GPHN: variants seen among roughly 807,000 people sequenced by gnomAD.
GPHN encodes gephyrin.
GPHN carries 17 observed loss-of-function variants against 95.5 expected under a neutral mutation model. The observed-to-expected ratio is 0.18, with a 90% CI of 0.12 to 0.27. The LOEUF is 0.27. Among genes scored for constraint, GPHN ranks in the 10% least tolerant of loss-of-function variants. GPHN has a pLI of 1.00. For synonymous variants in GPHN, 320 were observed against 322.5 expected (o/e 0.99, Z 0.08); for missense variants, 660 against 978.1 (o/e 0.67, Z 4.34).
chr14:66,673,982 T>C (rs2066443480), intron 1 of GPHN, among the ~76,000 whole-genome samples: 2 of 152,220 alleles, frequency 1.3e-5, no homozygotes, highest in Non-Finnish European at 2.9e-5. Context: ...TTAACAATTC[T>C]TTTTACTGTG....
At chr14:66,816,962 G>A (rs1048878699) in intron 3 of GPHN, among the ~76,000 whole-genome samples, 32 of 151,872 alleles carry the variant, frequency 2.1e-4, no homozygotes, top group African/African-American at 6.5e-4. Flanking sequence ...TTTACTCTTT[G>A]GCAATAATTT....
chr14:66,903,316 T>C (rs1382649630), intron 5 of GPHN, among the ~76,000 whole-genome samples: 5 of 152,194 alleles, frequency 3.3e-5, no homozygotes, highest in Non-Finnish European at 7.4e-5. Flanking sequence ...TTATATCATT[T>C]TGCTGAATTG....
chr14:66,694,548 A>C (rs2067996941), intron 2 of GPHN, among the ~76,000 whole-genome samples: 1 of 152,200 alleles, frequency 6.6e-6, no homozygotes. Context: ...CGTAGACCTT[A>C]CACCCTTAAA....
the GPHN span, chr14:67,570,035 G>C: frequency 6.8e-7 from 1 of 1,474,006 alleles, no homozygotes; most frequent in East Asian, 2.3e-5. Flanking sequence ...TGCACAAAGA[G>C]GGGGTGTCTC....
At chr14:66,633,061 A>G (rs966455505) in intron 1 of GPHN, among the ~76,000 whole-genome samples, 3 of 152,056 alleles carry the variant, frequency 2.0e-5, no homozygotes, top group African/African-American at 7.2e-5. Context: ...TTCCAATTTA[A>G]TTGTGTACTG....
chr14:67,305,446 A>T, the GPHN span, among the ~76,000 whole-genome samples: 2 of 152,040 alleles, frequency 1.3e-5, no homozygotes, highest in African/African-American at 4.8e-5. Context: ...CATCCGGCTA[A>T]TTTTTTTGTA....
chr14:66,819,415 T>C (rs2061102731), intron 3 of GPHN, among the ~76,000 whole-genome samples: 1 of 152,170 alleles, frequency 6.6e-6, no homozygotes, highest in African/African-American at 2.4e-5. Context: ...CTGGGTTCTC[T>C]GTTCTGTCCC....
intron 9 of GPHN, among the ~76,000 whole-genome samples, chr14:66,976,632 C>G (rs1235144776): frequency 1.3e-5 from 2 of 152,036 alleles, no homozygotes; most frequent in African/African-American, 4.8e-5. Flanking sequence ...CAGAGTAATT[C>G]AGAAATTCAT....
chr14:67,590,027 G>C, the GPHN span: 6 of 1,527,742 alleles, frequency 3.9e-6, no homozygotes, highest in Non-Finnish European at 4.4e-6. Context: ...AGCCCCTATG[G>C]CTTAAGAGTC....
chr14:67,586,195 C>G, the GPHN span: 1 of 1,373,364 alleles, frequency 7.3e-7, no homozygotes. Context: ...TCTGCAAGGG[C>G]CCTGCCCAGA....
At chr14:67,707,457 C>A in the GPHN span, among the ~76,000 whole-genome samples, 2 of 152,118 alleles carry the variant, frequency 1.3e-5, no homozygotes, top group African/African-American at 4.8e-5. Flanking sequence ...GAGATGGAGT[C>A]TCACTCTGCT....
At chr14:66,609,735 TTC>T (rs2062703724) in intron 1 of GPHN, among the ~76,000 whole-genome samples, 1 of 152,184 alleles carries the variant, frequency 6.6e-6, no homozygotes, top group Non-Finnish European at 1.5e-5. Context: ...CTGTAAATGC[TTC>T]TGATTGTACT....
chr14:66,535,412 A>C (rs191007432), intron 1 of GPHN, among the ~76,000 whole-genome samples: 2 of 151,782 alleles, frequency 1.3e-5, no homozygotes, highest in Non-Finnish European at 2.9e-5. Context: ...CTTCAATTTT[A>C]TTTCTTCTTC....
At chr14:66,803,827 T>C (rs1424495312) in intron 3 of GPHN, among the ~76,000 whole-genome samples, 1 of 152,136 alleles carries the variant, frequency 6.6e-6, no homozygotes, top group African/African-American at 2.4e-5. Context: ...TTACCCCTGA[T>C]GAACTTTGTA....
intron 1 of GPHN, among the ~76,000 whole-genome samples, chr14:66,657,697 T>G (rs1306548531): frequency 2.6e-5 from 4 of 152,168 alleles, no homozygotes; most frequent in African/African-American, 9.7e-5. Context: ...TACATCTGTT[T>G]ACAGCATGAT....
At chr14:67,638,264 C>G in the GPHN span, among the ~76,000 whole-genome samples, 2 of 152,066 alleles carry the variant, frequency 1.3e-5, no homozygotes, top group African/African-American at 4.8e-5. Context: ...TGGCTCACAT[C>G]TGTAATCCTA....
At chr14:67,064,668 G>A (rs1227655770) in intron 11 of GPHN, among the ~76,000 whole-genome samples, 3 of 152,158 alleles carry the variant, frequency 2.0e-5, no homozygotes, top group Non-Finnish European at 4.4e-5. Context: ...TTGGGAGGGT[G>A]TATGTGTCCA....
At chr14:66,708,323 A>C (rs542489287) in intron 2 of GPHN, among the ~76,000 whole-genome samples, 1 of 152,294 alleles carries the variant, frequency 6.6e-6, no homozygotes, top group South Asian at 2.1e-4. Context: ...GAAAGAGAAA[A>C]ATGAGAGAAA....
At chr14:67,381,546 A>C in the GPHN span, 1 of 1,467,576 alleles carries the variant, frequency 6.8e-7, no homozygotes, top group Non-Finnish European at 9.5e-7. Context: ...TAAACTTTTA[A>C]ATATTTTTTG....
Sources: allele counts gnomAD v4.1 joint callset (sites outside exome capture counted in the v4.1 genomes callset), GRCh38; gene constraint gnomAD v4.1.1; transcripts MANE v1.5; gene names NCBI Gene and HGNC (gene_info 2026-07-23, HGNC 2026-07-21).